MAST4: variants seen among roughly 807,000 people sequenced by gnomAD.
The protein encoded by MAST4 is microtubule associated serine/threonine kinase family member 4, also known as microtubule-associated serine/threonine-protein kinase 4.
In MAST4, 89 loss-of-function variants were observed where a neutral mutation model predicts 162.7. The observed-to-expected ratio is 0.55, with a 90% CI of 0.46 to 0.65. The LOEUF (loss-of-function observed/expected upper bound fraction) is 0.65, where lower values mean the gene tolerates loss of function less well. Ranked by LOEUF, MAST4 falls within the 30% of genes least tolerant of loss-of-function variation. MAST4 has a pLI of 0.00. For missense variants in MAST4, 3,153 were observed against 3,374.0 expected (o/e 0.93, Z 1.62); for synonymous variants, 1,479 against 1,361.1 (o/e 1.09, Z -1.91).
At chr5:67,108,069 AATGTAAATTAT>A (rs925238728) in intron 10 of MAST4, among the ~76,000 whole-genome samples, 2 of 152,186 alleles carry the variant, frequency 1.3e-5, no homozygotes, top group African/African-American at 4.8e-5. Context: ...TGTTTGAGTT[AATGTAAATTAT>A]ATGTTTTATC....
chr5:67,077,260 A>T (rs1761768830), intron 5 of MAST4, among the ~76,000 whole-genome samples: 2 of 151,952 alleles, frequency 1.3e-5, no homozygotes, highest in Non-Finnish European at 2.9e-5. Flanking sequence ...GTCACCTGGG[A>T]AGCTTTAAAA....
intron 4 of MAST4, among the ~76,000 whole-genome samples, chr5:66,955,960 A>G (rs1413661433): frequency 6.6e-6 from 1 of 150,528 alleles, no homozygotes; most frequent in African/African-American, 2.5e-5. Flanking sequence ...ATTAGTTGAT[A>G]TGTCTTTTAA....
intron 1 of MAST4, among the ~76,000 whole-genome samples, chr5:66,683,740 C>T (rs1748470421): frequency 6.6e-6 from 1 of 152,080 alleles, no homozygotes; most frequent in African/African-American, 2.4e-5. Context: ...TTGATTTGCC[C>T]CAGGATAAGT....
chr5:66,929,054 GATT>G (rs1344445665), intron 4 of MAST4, among the ~76,000 whole-genome samples: 1 of 152,194 alleles, frequency 6.6e-6, no homozygotes, highest in African/African-American at 2.4e-5. Context: ...GTGTTTACAT[GATT>G]ATGGAGCTTG....
In MAST4 at chr5:67,166,437, A is replaced by G; in HGVS notation, c.7258A>G (p.Lys2420Glu). The G allele has an allele frequency of 6.2e-7, 1 of 1,603,896 alleles. No homozygotes were observed. The highest frequency in any genetic ancestry group is 8.5e-7 in the Non-Finnish European group (1 of 1,175,090). Residue 2420 changes from lysine to glutamate, a missense_variant, in exon 29 of 29, where the codon AAA (lysine) becomes GAA (glutamate). Physicochemically the swap from Lys to Glu is moderately conservative, Grantham distance 56 (BLOSUM62 1). This residue lies in a region of MAST4 where 1,644 missense variants were observed against 1,495.0 expected (regional missense o/e 1.10). Coordinates refer to ENST00000403625, the MANE Select transcript of MAST4 (RefSeq NM_001164664.2). ...GAAGGGCTTCCCTGAGGCCAGAGGGAAAGGGCCCGGTCCCCAGAAGCCACC... is the reference window on the plus strand; with the variant it reads ...GAAGGGCTTCCCTGAGGCCAGAGGGGAAGGGCCCGGTCCCCAGAAGCCACC... ...VGKGFPEARG[K>E]GPGPQKPPTE...
chr5:67,134,729 A>G, intron 18 of MAST4, 41 bp downstream of exon 18: 1 of 1,526,856 alleles, frequency 6.5e-7, no homozygotes, highest in Admixed American at 1.8e-5. Flanking sequence ...ACTGTTGGGA[A>G]GCAGCTATTT....
intron 3 of MAST4, among the ~76,000 whole-genome samples, chr5:66,797,092 G>T (rs1187953403): frequency 2.6e-5 from 4 of 152,234 alleles, no homozygotes; most frequent in African/African-American, 9.6e-5. Flanking sequence ...GGTGTGGACA[G>T]GTTCCCCTCT....
chr5:66,997,037 C>G (rs1275811047), intron 4 of MAST4, among the ~76,000 whole-genome samples: 4 of 152,066 alleles, frequency 2.6e-5, no homozygotes, highest in African/African-American at 4.8e-5. Flanking sequence ...GGCTTTTTCC[C>G]AACATTATGC....
chr5:66,689,246 T>A (rs763548753), intron 1 of MAST4, among the ~76,000 whole-genome samples: 4 of 152,186 alleles, frequency 2.6e-5, no homozygotes, highest in Non-Finnish European at 5.9e-5. Context: ...CTATCTAACC[T>A]GATGTTGCTT....
intron 5 of MAST4, among the ~76,000 whole-genome samples, chr5:67,075,484 T>A (rs199640189): frequency 0.17 from 1 of 6 alleles, no homozygotes; most frequent in African/African-American, 0.5. Context: ...CTTTGGAGTG[T>A]TTTTTTTATG....
At chr5:66,623,729 A>G (rs1561220222) in intron 1 of MAST4, among the ~76,000 whole-genome samples, 1 of 152,252 alleles carries the variant, frequency 6.6e-6, no homozygotes, top group Non-Finnish European at 1.5e-5. Context: ...GCCATATGTC[A>G]TCACTTCTCT....
At chr5:66,991,280 A>C (rs558343659) in intron 4 of MAST4, among the ~76,000 whole-genome samples, 128 of 152,362 alleles carry the variant, frequency 8.4e-4, no homozygotes, top group African/African-American at 2.9e-3. Flanking sequence ...AAATGCCAAA[A>C]AAGAACCAAG....
chr5:66,785,543 A>T (rs1216110506), intron 2 of MAST4, among the ~76,000 whole-genome samples: 3 of 152,124 alleles, frequency 2.0e-5, no homozygotes, highest in Non-Finnish European at 4.4e-5. Context: ...TAGACTGGAG[A>T]TAATCATACC....
intron 3 of MAST4, among the ~76,000 whole-genome samples, chr5:66,800,375 A>G (rs1374221410): frequency 6.6e-6 from 1 of 152,244 alleles, no homozygotes; most frequent in Non-Finnish European, 1.5e-5. Flanking sequence ...GCAATGAACA[A>G]GATCATGTCC....
intron 1 of MAST4, among the ~76,000 whole-genome samples, chr5:66,715,768 T>G (rs921035164): frequency 6.7e-6 from 1 of 150,086 alleles, no homozygotes; most frequent in African/African-American, 2.5e-5. Flanking sequence ...GAATTACTGT[T>G]GAAATATTGC....
chr5:67,103,505 A>G (rs1765261568), intron 9 of MAST4, among the ~76,000 whole-genome samples: 1 of 152,200 alleles, frequency 6.6e-6, no homozygotes, highest in Non-Finnish European at 1.5e-5. Flanking sequence ...AGGTTAGGAT[A>G]TTAGAGGGGA....
At chr5:66,794,483 T>A (rs530654992) in intron 3 of MAST4, among the ~76,000 whole-genome samples, 1 of 152,202 alleles carries the variant, frequency 6.6e-6, no homozygotes. Context: ...AAAAAGTGTT[T>A]CTTGGAGATT....
At chr5:66,609,714 T>G (rs548454590) in intron 1 of MAST4, among the ~76,000 whole-genome samples, 6,450 of 149,796 alleles carry the variant, frequency 0.043, 411 homozygotes, top group African/African-American at 0.14. Flanking sequence ...TGTTTTTTTT[T>G]TTTTGTTTTG....
chr5:66,912,365 A>G lies in MAST4; in HGVS notation c.674+12383A>G, dbSNP rs1226889195. Reference sequence around the variant, plus strand: ...TATAAACCATAGTGTTTAGTATCTTAACAAATCAAGAATCAATTATCTGCA... The same window carrying G: ...TATAAACCATAGTGTTTAGTATCTTGACAAATCAAGAATCAATTATCTGCA... On this transcript the variant is annotated intron_variant, in intron 4 of 28. Coordinates refer to ENST00000403625, the MANE Select transcript of MAST4 (RefSeq NM_001164664.2). Among the ~76,000 whole-genome samples the G allele has an allele frequency of 2.0e-5, 3 of 152,238 alleles. 1 individual carries two copies. The highest frequency in any genetic ancestry group is 4.1e-4 in the South Asian group (2 of 4,836).
Sources: allele counts gnomAD v4.1 joint callset (sites outside exome capture counted in the v4.1 genomes callset), GRCh38; gene constraint gnomAD v4.1.1; regional missense constraint gnomAD v4.1.1; transcripts MANE v1.5; gene names NCBI Gene and HGNC (gene_info 2026-07-23, HGNC 2026-07-21).